The following MKLN1 variants were observed in gnomAD, a reference collection of about 807,000 sequenced individuals.
The protein encoded by MKLN1 is muskelin 1.
MKLN1 carries 18 observed loss-of-function variants against 99.0 expected under a neutral mutation model. The observed-to-expected ratio is 0.18, with a 90% CI of 0.13 to 0.27. The LOEUF is 0.27. Ranked by LOEUF, MKLN1 falls within the 10% of genes least tolerant of loss-of-function variation. The probability of loss-of-function intolerance (pLI) is 1.00; values close to 1 mark genes in which losing one functional copy is unlikely to be tolerated. For missense variants in MKLN1, 621 were observed against 875.9 expected, an observed-to-expected ratio of 0.71 and a Z score of 3.67; for synonymous variants, 288 against 293.2, an observed-to-expected ratio of 0.98 and a Z score of 0.18.
chr7:131,411,515 C>T, intron 7 of MKLN1, 132 bp downstream of exon 7: 2 of 664,684 alleles, frequency 3.0e-6, no homozygotes, highest in Non-Finnish European at 5.4e-6. Context: ...TGGCTCATGT[C>T]TAATCCCAAT....
At chr7:131,171,465 T>A (rs1796213595) in intron 2 of MKLN1, among the ~76,000 whole-genome samples, 1 of 131,780 alleles carries the variant, frequency 7.6e-6, no homozygotes, top group South Asian at 2.3e-4. Context: ...TTTTTCTTTC[T>A]TTTTTTTTTG....
At chr7:131,444,767 AGTAGT>A (rs1563352024) in intron 11 of MKLN1, among the ~76,000 whole-genome samples, 210 of 17,448 alleles carry the variant, frequency 0.012, 2 homozygotes, top group Middle Eastern at 0.036. Flanking sequence ...TAGAAGAAGT[AGTAGT>A]AGTAGTAGTA....
At chr7:131,237,998 T>C (rs1797349734) in intron 3 of MKLN1, among the ~76,000 whole-genome samples, 1 of 151,998 alleles carries the variant, frequency 6.6e-6, no homozygotes, top group Non-Finnish European at 1.5e-5. Flanking sequence ...AGTACAAAAA[T>C]TATCTGGGCA....
rs539181835 is a variant in MKLN1 at position 131,279,017 on chromosome 7, G to A, written c.-179+76043G>A. ...GGAAATGAAGATTGAGAGAGATTAA[G>A]TGAAACTTGGAGGTTAGCCACCTTT... On this transcript the variant is annotated intron_variant, in intron 3 of 7. Transcript: ENST00000416992. 4.6e-5 allele frequency among the ~76,000 whole-genome samples: 7 copies of A among 152,314 alleles called. No homozygotes were observed. In the South Asian group the frequency reaches 1.4e-3, roughly 32 times the overall value.
intron 3 of MKLN1, among the ~76,000 whole-genome samples, chr7:131,252,274 A>AATG (rs1724173298): frequency 6.6e-6 from 1 of 151,954 alleles, no homozygotes; most frequent in South Asian, 2.1e-4. Context: ...CTATAAACAC[A>AATG]ATGTAAACCA....
chr7:131,342,748 C>T (rs1407177330), intron 1 of MKLN1, among the ~76,000 whole-genome samples: 1 of 152,178 alleles, frequency 6.6e-6, no homozygotes, highest in African/African-American at 2.4e-5. Flanking sequence ...ACATCTAGGT[C>T]TGAAAGTTTA....
chr7:131,380,128 AG>A (rs1350079652), intron 2 of MKLN1, among the ~76,000 whole-genome samples: 7 of 152,202 alleles, frequency 4.6e-5, no homozygotes, highest in African/African-American at 1.4e-4. Flanking sequence ...TGGCCCTCAC[AG>A]GGAGTGAAGT....
At chr7:131,366,879 A>T (rs1308067526) in intron 1 of MKLN1, among the ~76,000 whole-genome samples, 1 of 152,248 alleles carries the variant, frequency 6.6e-6, no homozygotes, top group Non-Finnish European at 1.5e-5. Flanking sequence ...AGCATATGTA[A>T]TCAAGAAAGG....
chr7:131,278,766 A>T (rs1252556863), intron 3 of MKLN1, among the ~76,000 whole-genome samples: 2 of 151,400 alleles, frequency 1.3e-5, no homozygotes, highest in Non-Finnish European at 2.9e-5. Flanking sequence ...GCTAATTTTT[A>T]AAATTTAGTT....
At chr7:131,401,896 T>G (rs1486650394) in intron 6 of MKLN1, among the ~76,000 whole-genome samples, 1 of 152,174 alleles carries the variant, frequency 6.6e-6, no homozygotes, top group Non-Finnish European at 1.5e-5. Flanking sequence ...CTTCAGTGAG[T>G]TATACTCTTT....
At chr7:131,192,445 CA>C (rs1796579657) in intron 2 of MKLN1, among the ~76,000 whole-genome samples, 1 of 105,680 alleles carries the variant, frequency 9.5e-6, no homozygotes, top group Admixed American at 1.1e-4. Flanking sequence ...AAAATATATA[CA>C]ATATATAAAT....
intron 2 of MKLN1, among the ~76,000 whole-genome samples, chr7:131,184,289 T>G (rs1344923210): frequency 6.6e-6 from 1 of 152,184 alleles, no homozygotes; most frequent in African/African-American, 2.4e-5. Context: ...TGTGCCTGGC[T>G]TTATTTTCTA....
chr7:131,470,936 A>G lies in MKLN1; in HGVS notation c.2023A>G (p.Thr675Ala). ...ITVDHSDPEE[T>A]KEFQLLASAL... ...TGTGGATCATTCAGACCCAGAAGAG[A>G]CAAAAGAGGTAAAGAAAGGTGGTAA... The change falls in exon 16 of 18, where the codon ACA becomes GCA. Residue 675 changes from threonine (T) to alanine (A), a missense_variant. By Grantham distance (58) the Thr-to-Ala change is moderately conservative (BLOSUM62 0). This residue lies in a region of MKLN1 where 126 missense variants were observed against 157.4 expected (regional missense o/e 0.80). Transcript: ENST00000352689. 6.3e-7 allele frequency: 1 copy of G among 1,592,774 alleles called. No homozygotes were observed. The highest frequency in any genetic ancestry group is 1.1e-5 in the South Asian group (1 of 88,108).
chr7:131,416,827 A>T (rs972713536), intron 8 of MKLN1, among the ~76,000 whole-genome samples: 40 of 151,972 alleles, frequency 2.6e-4, no homozygotes, highest in African/African-American at 8.7e-4. Flanking sequence ...TATAAGAAAT[A>T]AAAAAATCAG....
At chr7:131,117,385 G>T (rs928457145) in intron 1 of MKLN1, among the ~76,000 whole-genome samples, 2 of 151,788 alleles carry the variant, frequency 1.3e-5, no homozygotes, top group African/African-American at 4.8e-5. Flanking sequence ...AGCCAAGATT[G>T]CGCCACTGCA....
At chr7:131,302,185 A>G (rs1160118523) in intron 3 of MKLN1, among the ~76,000 whole-genome samples, 1 of 152,170 alleles carries the variant, frequency 6.6e-6, no homozygotes, top group Non-Finnish European at 1.5e-5. Context: ...TGAATGCTCC[A>G]TGTATATTAA....
chr7:131,464,459 C>T, intron 14 of MKLN1, 51 bp downstream of exon 14: 1 of 1,033,452 alleles, frequency 9.7e-7, no homozygotes, highest in Non-Finnish European at 1.5e-6. Flanking sequence ...CTATCTGAAA[C>T]AATCCCCAAA....
intron 11 of MKLN1, 40 bp downstream of exon 11, chr7:131,443,742 A>C: frequency 7.3e-7 from 1 of 1,366,160 alleles, no homozygotes; most frequent in Middle Eastern, 1.8e-4. Flanking sequence ...TTATTTTGTC[A>C]TGTATATCTA....
At chr7:131,162,206 C>T (rs528996201) in intron 2 of MKLN1, among the ~76,000 whole-genome samples, 3 of 151,972 alleles carry the variant, frequency 2.0e-5, no homozygotes. Context: ...GCGTGCACCA[C>T]CAAGCCCGGC....
Sources: gnomAD v4.1 joint callset for allele counts (sites outside exome capture counted in the v4.1 genomes callset) on GRCh38, gnomAD v4.1.1 for gene constraint, gnomAD v4.1.1 regional missense constraint, MANE v1.5 for transcripts, NCBI Gene and HGNC (gene_info 2026-07-23, HGNC 2026-07-21) for gene names.